Variants in SLC26A7 observed in about 807,000 individuals in gnomAD.
The protein encoded by SLC26A7 is anion exchange transporter.
In SLC26A7, 59 loss-of-function variants were observed where a neutral mutation model predicts 82.5. The observed-to-expected ratio is 0.72, with a 90% confidence interval of 0.58 to 0.89. The LOEUF (loss-of-function observed/expected upper bound fraction) is 0.89, where lower values mean the gene tolerates loss of function less well. Ranked by LOEUF, SLC26A7 falls within the 40% of genes least tolerant of loss-of-function variation. The probability of loss-of-function intolerance (pLI) is 0.00; values close to 1 mark genes in which losing one functional copy is unlikely to be tolerated. For synonymous variants in SLC26A7, 271 were observed against 274.3 expected (o/e 0.99, Z 0.12); for missense variants, 820 against 793.0 (o/e 1.03, Z -0.41).
chr8:91,285,551 A>T (rs1331472966), intron 2 of SLC26A7, among the ~76,000 whole-genome samples: 2 of 152,260 alleles, frequency 1.3e-5, no homozygotes, highest in Non-Finnish European at 2.9e-5. Flanking sequence ...TAGGAGTTCA[A>T]CATATAAATT....
intron 2 of SLC26A7, among the ~76,000 whole-genome samples, chr8:91,271,608 TTTTTGA>T (rs1250356154): frequency 1.5e-4 from 22 of 149,624 alleles, no homozygotes; most frequent in African/African-American, 5.2e-4. Flanking sequence ...TTTTTTTTTT[TTTTTGA>T]GACGGAGTCT....
At chr8:91,352,460 A>G (rs1342832837) in intron 10 of SLC26A7, among the ~76,000 whole-genome samples, 6 of 152,140 alleles carry the variant, frequency 3.9e-5, no homozygotes, top group African/African-American at 9.6e-5. Flanking sequence ...CCAATAATCA[A>G]GTTCGCTTTT....
chr8:91,247,664 A>G (rs1810563807), upstream of SLC26A7, among the ~76,000 whole-genome samples: 1 of 152,186 alleles, frequency 6.6e-6, no homozygotes, highest in African/African-American at 2.4e-5. Context: ...GAAATGTTTT[A>G]GAACAATTGC....
At chr8:91,269,385 G>T (rs571309297) in intron 2 of SLC26A7, among the ~76,000 whole-genome samples, 2 of 152,042 alleles carry the variant, frequency 1.3e-5, no homozygotes, top group African/African-American at 4.8e-5. Context: ...CTTAGACATA[G>T]TGTTCTTGGA....
intron 15 of SLC26A7, among the ~76,000 whole-genome samples, chr8:91,388,064 G>A (rs1471071822): frequency 6.6e-6 from 1 of 152,120 alleles, no homozygotes; most frequent in African/African-American, 2.4e-5. Context: ...TTTCCTAACA[G>A]TTACTGTCAT....
chr8:91,227,369 G>GT (rs2130670158), intron 2 of SLC26A7, among the ~76,000 whole-genome samples: 1 of 152,192 alleles, frequency 6.6e-6, no homozygotes, highest in Non-Finnish European at 1.5e-5. Context: ...TTCTTTCACT[G>GT]TTTGTTATAA....
Position 91,264,894 on chromosome 8 carries a change from A to G in SLC26A7, c.193+15050A>G, listed in dbSNP as rs140334456. On this transcript the variant is annotated intron_variant, in intron 2 of 18. Coordinates refer to ENST00000276609, the MANE Select transcript of SLC26A7 (RefSeq NM_052832.4). ...AGATCTTCATCATTTTTTTGTGGTA[A>G]TAACTTTCAGAATCTTCTTTTCTAG... 1.2e-4 allele frequency among the ~76,000 whole-genome samples: 18 copies of G among 152,136 alleles called. No individual in the cohort carries two copies. The East Asian group carries it at 2.7e-3, about 23-fold the overall frequency.
intron 6 of SLC26A7, 51 bp downstream of exon 6, chr8:91,334,498 C>T (rs1193003213): frequency 6.6e-7 from 1 of 1,526,086 alleles, no homozygotes; most frequent in South Asian, 1.2e-5. Flanking sequence ...CTTTCCAGTT[C>T]TTGGGGAGAT....
intron 2 of SLC26A7, among the ~76,000 whole-genome samples, chr8:91,275,848 G>A (rs1000286244): frequency 8.5e-5 from 13 of 152,092 alleles, no homozygotes; most frequent in Non-Finnish European, 1.9e-4. Flanking sequence ...CCAGACAATC[G>A]CTTCTCAGTC....
chr8:91,394,574 CT>C, intron 18 of SLC26A7: 1 of 1,207,612 alleles, frequency 8.3e-7, no homozygotes, highest in South Asian at 2.6e-5. Context: ...GCAATTTTTC[CT>C]TGAGTTTTGA....
intron 2 of SLC26A7, among the ~76,000 whole-genome samples, chr8:91,229,465 T>A (rs1810284014): frequency 6.6e-6 from 1 of 152,210 alleles, no homozygotes; most frequent in Non-Finnish European, 1.5e-5. Flanking sequence ...CATATACTCA[T>A]CACCTAGATT....
At chr8:91,289,915 G>A (rs1248804358) in intron 3 of SLC26A7, among the ~76,000 whole-genome samples, 1 of 152,018 alleles carries the variant, frequency 6.6e-6, no homozygotes, top group Non-Finnish European at 1.5e-5. Context: ...ATAAACCTGG[G>A]TGCATATCTT....
intron 5 of SLC26A7, among the ~76,000 whole-genome samples, chr8:91,329,960 C>T (rs1281622755): frequency 6.6e-6 from 1 of 152,012 alleles, no homozygotes; most frequent in Admixed American, 6.6e-5. Flanking sequence ...AGTTATCATC[C>T]ACAACATAGA....
chr8:91,300,608 G>A (rs1186620574), intron 4 of SLC26A7, among the ~76,000 whole-genome samples: 3 of 151,872 alleles, frequency 2.0e-5, no homozygotes, highest in Non-Finnish European at 2.9e-5. Context: ...CGTTATAGCC[G>A]GGATGGTCTC....
intron 2 of SLC26A7, among the ~76,000 whole-genome samples, chr8:91,253,685 C>T (rs1810721524): frequency 6.6e-6 from 1 of 152,146 alleles, no homozygotes; most frequent in African/African-American, 2.4e-5. Flanking sequence ...CCCTCCCAAT[C>T]TCCTGGGAAG....
intron 2 of SLC26A7, among the ~76,000 whole-genome samples, chr8:91,258,034 A>G (rs1284831863): frequency 6.6e-6 from 1 of 152,012 alleles, no homozygotes; most frequent in Non-Finnish European, 1.5e-5. Flanking sequence ...AGACTCACTC[A>G]TTATCATGAG....
At chr8:91,275,029 A>G (rs532084619) in intron 2 of SLC26A7, among the ~76,000 whole-genome samples, 1 of 152,180 alleles carries the variant, frequency 6.6e-6, no homozygotes, top group East Asian at 1.9e-4. Flanking sequence ...TACTCTATGC[A>G]TAAATGCGCA....
chr8:91,241,941 GAATTTTCCCTAGTTTTGA>G (rs1563640121), intron 2 of SLC26A7, among the ~76,000 whole-genome samples: 1 of 152,098 alleles, frequency 6.6e-6, no homozygotes, highest in Non-Finnish European at 1.5e-5. Context: ...GGCTAGTTCT[GAATTTTCCCTAGTTTTGA>G]AATTTTCCCC....
chr8:91,237,000 A>C (rs1458729626), intron 2 of SLC26A7, among the ~76,000 whole-genome samples: 1 of 152,236 alleles, frequency 6.6e-6, no homozygotes, highest in Admixed American at 6.5e-5. Flanking sequence ...CTTGCAGAAG[A>C]TTACAAAGCT....
Sources: gnomAD v4.1 joint callset for allele counts (sites outside exome capture counted in the v4.1 genomes callset) on GRCh38, gnomAD v4.1.1 for gene constraint, MANE v1.5 for transcripts, NCBI Gene and HGNC (gene_info 2026-07-23, HGNC 2026-07-21) for gene names.